ACVR1C: variants seen among roughly 807,000 people sequenced by gnomAD.
ACVR1C encodes activin receptor type-1C.
ACVR1C carries 23 observed loss-of-function variants against 57.9 expected under a neutral mutation model. That is an observed-to-expected ratio of 0.40 (90% CI 0.29 to 0.56). ACVR1C has a LOEUF of 0.56. Among genes scored for constraint, ACVR1C ranks in the 20% least tolerant of loss-of-function variants. ACVR1C has a pLI of 0.50. For synonymous variants in ACVR1C, 214 were observed against 215.3 expected (o/e 0.99, Z 0.05); for missense variants, 480 against 607.9 (o/e 0.79, Z 2.21).
In ACVR1C at chr2:157,528,860, T is replaced by G. The variant is rs1687293261; in HGVS notation, c.*5058A>C. On this transcript the variant is annotated 3_prime_UTR_variant, in exon 9 of 9. Coordinates refer to ENST00000243349, the MANE Select transcript of ACVR1C (RefSeq NM_145259.3). ...TCTATAGTGCCAAATGAAGGATTACTGGAGAAGTTATGAGGTGAAACCTCT... is the reference window on the plus strand; with the variant it reads ...TCTATAGTGCCAAATGAAGGATTACGGGAGAAGTTATGAGGTGAAACCTCT... 6.6e-6 allele frequency: 1 copy of G among 152,188 alleles called. No homozygotes were observed. Among genetic ancestry groups the G allele is most frequent in the Non-Finnish European group, 1.5e-5 (1 of 68,012 alleles). 9.4% of individuals were successfully genotyped at this position (152,188 alleles called of 1,614,324 possible).
intron 3 of ACVR1C, among the ~76,000 whole-genome samples, chr2:157,554,207 G>GAAAGAAAGAAAGAAAA (rs1688001241): frequency 6.5e-5 from 4 of 61,178 alleles, no homozygotes; most frequent in Non-Finnish European, 9.4e-5. Flanking sequence ...AAGAGAGAAA[G>GAAAGAAAGAAAGAAAA]AAAGAAAGAA....
intron 4 of ACVR1C, among the ~76,000 whole-genome samples, chr2:157,546,995 G>C (rs1242871182): frequency 5.7e-5 from 7 of 123,762 alleles, no homozygotes; most frequent in Non-Finnish European, 1.1e-4. Context: ...AGTCCCCAGA[G>C]TGTGATATTA....
intron 1 of ACVR1C, among the ~76,000 whole-genome samples, chr2:157,601,357 G>T (rs377564629): frequency 1.3e-5 from 2 of 151,910 alleles, no homozygotes; most frequent in Non-Finnish European, 2.9e-5. Context: ...AAGAAGGTAG[G>T]TTACCTGGCT....
chr2:157,628,485 C>T (rs1202015227), intron 1 of ACVR1C, 87 bp downstream of exon 1: 9 of 1,446,070 alleles, frequency 6.2e-6, no homozygotes, highest in Non-Finnish European at 7.6e-6. Flanking sequence ...GCTCGGAGCA[C>T]CCCCTGTCCC....
intron 1 of ACVR1C, among the ~76,000 whole-genome samples, chr2:157,610,341 T>C (rs1015586190): frequency 5.9e-5 from 9 of 152,186 alleles, no homozygotes; most frequent in African/African-American, 9.6e-5. Flanking sequence ...ATCAATTTTC[T>C]TCTTTCAGCA....
chr2:157,564,190 G>A (rs1050719523), intron 2 of ACVR1C, among the ~76,000 whole-genome samples: 2 of 152,054 alleles, frequency 1.3e-5, no homozygotes, highest in Non-Finnish European at 2.9e-5. Context: ...CCTACAGAAC[G>A]GAAGAAAATT....
intron 1 of ACVR1C, among the ~76,000 whole-genome samples, chr2:157,596,991 C>A (rs987263050): frequency 1.3e-5 from 2 of 152,084 alleles, no homozygotes; most frequent in African/African-American, 4.8e-5. Flanking sequence ...CTGAATCCGG[C>A]TGGGGCTGCG....
chr2:157,603,534 A>T (rs530475064), intron 1 of ACVR1C, among the ~76,000 whole-genome samples: 1 of 152,264 alleles, frequency 6.6e-6, no homozygotes, highest in African/African-American at 2.4e-5. Context: ...CAAGTAGCCC[A>T]TAAGTGTTCT....
chr2:157,587,051 AC>A (rs1273928495), intron 2 of ACVR1C, 135 bp downstream of exon 2: 2 of 805,434 alleles, frequency 2.5e-6, no homozygotes, highest in African/African-American at 3.5e-5. Flanking sequence ...AGAGAATTTT[AC>A]CAGCCAAAAT....
At chr2:157,535,267 G>A (rs1687454244) in intron 8 of ACVR1C, among the ~76,000 whole-genome samples, 1 of 151,750 alleles carries the variant, frequency 6.6e-6, no homozygotes, top group African/African-American at 2.4e-5. Flanking sequence ...GGCTCTTGGT[G>A]AAGGAAAAAA....
intron 1 of ACVR1C, among the ~76,000 whole-genome samples, chr2:157,593,209 A>G (rs1461004637): frequency 6.6e-6 from 1 of 152,204 alleles, no homozygotes; most frequent in Admixed American, 6.5e-5. Flanking sequence ...CCTGGTGTCC[A>G]GAAATATAAA....
intron 1 of ACVR1C, among the ~76,000 whole-genome samples, chr2:157,615,328 A>C (rs1420296954): frequency 6.6e-6 from 1 of 151,594 alleles, no homozygotes; most frequent in Non-Finnish European, 1.5e-5. Context: ...CAAAAAAAAA[A>C]AAAAACACAA....
chr2:157,592,041 A>G (rs1210775358), intron 1 of ACVR1C, among the ~76,000 whole-genome samples: 5 of 152,154 alleles, frequency 3.3e-5, no homozygotes, highest in Non-Finnish European at 7.4e-5. Context: ...ATAACTAATT[A>G]ACAATTGAAA....
At position 157,608,602 on chromosome 2, in the gene ACVR1C, C is replaced by T. The variant is rs146245687; in HGVS notation, c.73+19970G>A. ...GTTTGGTAGAATTCCACAGTGAATA[C>T]GTCTAGTCCTGAGCTTTTACTTGTT... On this transcript the variant is annotated intron_variant, in intron 1 of 8. Coordinates refer to ENST00000243349, the MANE Select transcript of ACVR1C (RefSeq NM_145259.3). Among the ~76,000 whole-genome samples the T allele has an allele frequency of 6.4e-3, 975 of 151,912 alleles. 11 individuals are homozygous for T. The highest frequency in any genetic ancestry group is 0.022 in the African/African-American group (930 of 41,522).
intron 7 of ACVR1C, among the ~76,000 whole-genome samples, chr2:157,540,311 G>T (rs1179656205): frequency 6.6e-6 from 1 of 152,046 alleles, no homozygotes; most frequent in African/African-American, 2.4e-5. Flanking sequence ...TGTTTCATCA[G>T]ACATATTTAC....
intron 3 of ACVR1C, among the ~76,000 whole-genome samples, chr2:157,555,806 G>A (rs1688085523): frequency 2.0e-5 from 3 of 152,176 alleles, no homozygotes; most frequent in African/African-American, 7.2e-5. Flanking sequence ...AAGCAGGGAG[G>A]AGAGAAGGGA....
chr2:157,575,856 C>T (rs1688633740), intron 2 of ACVR1C, among the ~76,000 whole-genome samples: 2 of 152,068 alleles, frequency 1.3e-5, no homozygotes, highest in Non-Finnish European at 2.9e-5. Context: ...ACAAGTCAGA[C>T]ACTATACAAA....
intron 8 of ACVR1C, among the ~76,000 whole-genome samples, chr2:157,538,018 G>A (rs1265231421): frequency 6.6e-6 from 1 of 152,188 alleles, no homozygotes; most frequent in African/African-American, 2.4e-5. Flanking sequence ...TGAATGTAAA[G>A]ATGGTTGGAA....
chr2:157,566,491 C>T (rs1036682906), intron 2 of ACVR1C, among the ~76,000 whole-genome samples: 4 of 152,158 alleles, frequency 2.6e-5, no homozygotes, highest in Non-Finnish European at 2.9e-5. Context: ...TGGGCGCAGG[C>T]CAGTGTGTGT....
Sources: gnomAD v4.1 joint callset for allele counts (sites outside exome capture counted in the v4.1 genomes callset) on GRCh38, gnomAD v4.1.1 for gene constraint, MANE v1.5 for transcripts, NCBI Gene and HGNC (gene_info 2026-07-23, HGNC 2026-07-21) for gene names.